The following TNRC18 variants were observed in gnomAD, a reference collection of about 807,000 sequenced individuals.
TNRC18 encodes trinucleotide repeat-containing gene 18 protein.
A neutral mutation model predicts 226.7 loss-of-function variants in TNRC18; 69 were observed. The observed-to-expected ratio is 0.30, with a 90% CI of 0.25 to 0.37. The LOEUF is 0.37. Ranked by LOEUF, TNRC18 falls within the 10% of genes least tolerant of loss-of-function variation. TNRC18 has a pLI of 1.00. For synonymous variants in TNRC18, 2,449 were observed against 1,927.6 expected (o/e 1.27, Z -7.09); for missense variants, 4,754 against 4,256.6 (o/e 1.12, Z -3.25).
At chr7:5,345,517 G>GGGGGGGGGGGCCCCCACCCCCCC in intron 18 of TNRC18, 45 bp downstream of exon 18, 1 of 377,744 alleles carries the variant, frequency 2.6e-6, no homozygotes, top group Non-Finnish European at 4.8e-6. Flanking sequence ...AATGGCGTCC[G>GGGGGGGGGGGCCCCCACCCCCCC]CCCCTCCCAC....
chr7:5,417,365 G>C (rs993048445), intron 2 of TNRC18, among the ~76,000 whole-genome samples: 6 of 151,770 alleles, frequency 4.0e-5, no homozygotes, highest in Non-Finnish European at 2.9e-5. Context: ...AGCTACTCGG[G>C]AGGCTGAGGT....
At chr7:5,327,389 GT>G (rs1789035033) in intron 19 of TNRC18, among the ~76,000 whole-genome samples, 1 of 144,736 alleles carries the variant, frequency 6.9e-6, no homozygotes, top group African/African-American at 2.5e-5. Context: ...GTGTGTGTGT[GT>G]GTGTGTGTGT....
chr7:5,380,014 A>G (rs966019567), intron 5 of TNRC18, among the ~76,000 whole-genome samples: 5 of 152,142 alleles, frequency 3.3e-5, no homozygotes, highest in Non-Finnish European at 4.4e-5. Context: ...TGCTGGAGAC[A>G]AGGTCCCCAC....
At position 5,308,084 on chromosome 7, in the gene TNRC18, T is replaced by G. The variant is rs112453141; in HGVS notation, c.*22A>C. 2 of 1,540,572 alleles carry G rather than the reference T, an allele frequency of 1.3e-6. No homozygotes were observed. The highest frequency in any genetic ancestry group is 1.8e-6 in the Non-Finnish European group (2 of 1,140,252). ...TCCCTGGCCGCCCTCGGGGCACAGG[T>G]GGCCCGCAGGGCCCGGCGGGCTCAG... On this transcript the variant is annotated 3_prime_UTR_variant, in exon 30 of 30. Coordinates refer to ENST00000430969, the MANE Select transcript of TNRC18 (RefSeq NM_001080495.3).
At chr7:5,330,400 T>C (rs866094014) in intron 19 of TNRC18, among the ~76,000 whole-genome samples, 1 of 150,336 alleles carries the variant, frequency 6.7e-6, no homozygotes, top group Non-Finnish European at 1.5e-5. Flanking sequence ...TCCCAGCTAA[T>C]TGTTTTTTTG....
Position 5,309,746 on chromosome 7 carries a change from G to A in TNRC18, c.8389-378C>T, listed in dbSNP as rs2128100383. Among the ~76,000 whole-genome samples the A allele has an allele frequency of 6.6e-6, 1 of 152,300 alleles. No individual in the cohort carries two copies. Among genetic ancestry groups the A allele is most frequent in the Admixed American group, 6.5e-5 (1 of 15,288 alleles). Reference sequence around the variant, plus strand: ...CAGCCTCTGAGGAGCTGAGAATACAGGCGCACACCACGCCCGGCTAATTTT... The same window carrying A: ...CAGCCTCTGAGGAGCTGAGAATACAAGCGCACACCACGCCCGGCTAATTTT... On this transcript the variant is annotated intron_variant, in intron 27 of 29. Transcript: ENST00000430969. The surrounding 1 kb of genome is among the most constrained non-coding windows in gnomAD (Gnocchi z 5.7).
chr7:5,405,691 C>T (rs140614773), intron 2 of TNRC18, among the ~76,000 whole-genome samples: 40 of 152,212 alleles, frequency 2.6e-4, no homozygotes, highest in Middle Eastern at 6.8e-3. Context: ...TGCAATGAGC[C>T]GAGATCATAC....
At chr7:5,419,322 T>C in intron 2 of TNRC18, among the ~76,000 whole-genome samples, 1 of 151,794 alleles carries the variant, frequency 6.6e-6, no homozygotes, top group African/African-American at 2.4e-5. Flanking sequence ...AGGCGGGGAG[T>C]GCGCGACGCC....
rs1247193342 is a variant in TNRC18 at position 5,324,164 on chromosome 7, G to C, written c.6442+50C>G. 1.9e-6 allele frequency: 3 copies of C among 1,541,510 alleles called. No homozygotes were observed. The highest frequency in any genetic ancestry group is 2.6e-6 in the Non-Finnish European group (3 of 1,147,722). ...CCTTGCTCAGATCTGCCTCCCCCAA[G>C]GGAGGCTCCAGCAGCCCCGCCCGGC... On this transcript the variant is annotated intron_variant, in intron 21 of 29. Transcript: ENST00000430969. This position sits in a 1 kb window ranked among gnomAD's most constrained non-coding sequence, Gnocchi z 4.8.
chr7:5,358,230 T>C (rs1330545486), intron 15 of TNRC18, among the ~76,000 whole-genome samples: 2 of 152,220 alleles, frequency 1.3e-5, no homozygotes, highest in Non-Finnish European at 2.9e-5. Flanking sequence ...ATTAGAGATT[T>C]CACAGATTAA....
chr7:5,355,282 T>C (rs1336173045), intron 16 of TNRC18, among the ~76,000 whole-genome samples: 1 of 151,372 alleles, frequency 6.6e-6, no homozygotes, highest in Admixed American at 6.6e-5. Flanking sequence ...AGTCTCTTGT[T>C]AAATGAGATA....
At chr7:5,403,571 G>A (rs541038879) in intron 2 of TNRC18, among the ~76,000 whole-genome samples, 224 of 151,120 alleles carry the variant, frequency 1.5e-3, no homozygotes, top group Middle Eastern at 3.4e-3. Flanking sequence ...GGCAGGAGTC[G>A]TTTGAGGCCA....
chr7:5,341,008 G>C (rs77863444), intron 18 of TNRC18, among the ~76,000 whole-genome samples: 1 of 152,212 alleles, frequency 6.6e-6, no homozygotes, highest in South Asian at 2.1e-4. Flanking sequence ...ACTTTTGCTG[G>C]GGGCTAATGC....
intron 21 of TNRC18, among the ~76,000 whole-genome samples, chr7:5,322,069 G>A (rs997522126): frequency 1.8e-4 from 28 of 151,894 alleles, no homozygotes; most frequent in Non-Finnish European, 2.6e-4. Flanking sequence ...CACAAGGTCA[G>A]AAGATCAAGA....
At chr7:5,385,804 T>C (rs535042791) in intron 5 of TNRC18, among the ~76,000 whole-genome samples, 1 of 147,414 alleles carries the variant, frequency 6.8e-6, no homozygotes, top group South Asian at 2.1e-4. Context: ...TGAAACCTTG[T>C]CTCTACTAAA....
In TNRC18 at chr7:5,345,518, C is replaced by CG; in HGVS notation, c.5719+43_5719+44insC. 1.2e-4 allele frequency: 20 copies of CG among 167,664 alleles called. 1 individual carries two copies. Among genetic ancestry groups the CG allele is most frequent in the South Asian group, 3.7e-4 (4 of 10,952 alleles). The allele number at this position is 167,664 out of a possible 1,614,324, so 10.4% of individuals were successfully genotyped here. On this transcript the variant is annotated intron_variant, in intron 18 of 29. Transcript: ENST00000430969. Reference sequence around the variant, plus strand: ...CTGTGGGATGGGGCAATGGCGTCCGCCCCTCCCACCCACCCCCACCGCAGC... The same window carrying CG: ...CTGTGGGATGGGGCAATGGCGTCCGCGCCCTCCCACCCACCCCCACCGCAGC...
intron 13 of TNRC18, 51 bp from the exon 14 acceptor site, chr7:5,361,773 C>A: frequency 6.5e-7 from 1 of 1,544,884 alleles, no homozygotes; most frequent in Non-Finnish European, 8.7e-7. Context: ...GGGCGGGGCG[C>A]GGAGAACGGG....
At position 5,332,637 on chromosome 7, in the gene TNRC18, C is replaced by A; in HGVS notation, c.6132G>T (p.Arg2044Ser). ...PRKDAGRAKD[R>S]KDPRKKKKGK... The stretch of plus-strand genomic sequence containing the variant: ...CGGCCCCTACCTTCCTGGGGTCCTT[C>A]CTGTCCTTTGCACGCCCGGCGTCCT... Residue 2044 changes from arginine (R) to serine (S), a missense_variant, in exon 19 of 30, where the codon AGG (arginine) becomes AGT (serine). Coordinates refer to ENST00000430969, the MANE Select transcript of TNRC18 (RefSeq NM_001080495.3). 1 of 1,531,912 alleles carries A rather than the reference C, an allele frequency of 6.5e-7. No homozygotes were observed. Among genetic ancestry groups the A allele is most frequent in the Non-Finnish European group, 8.8e-7 (1 of 1,140,920 alleles). The allele number at this position is 1,531,912 out of a possible 1,614,324, so 94.9% of individuals were successfully genotyped here.
At chr7:5,363,786 A>G (rs930703602) in intron 11 of TNRC18, among the ~76,000 whole-genome samples, 1 of 152,012 alleles carries the variant, frequency 6.6e-6, no homozygotes, top group Admixed American at 6.6e-5. Flanking sequence ...GCATTTTTCC[A>G]TAGTGAATAT....
Sources: allele counts gnomAD v4.1 joint callset (sites outside exome capture counted in the v4.1 genomes callset), GRCh38; gene constraint gnomAD v4.1.1; non-coding constraint Gnocchi (gnomAD v3.1); transcripts MANE v1.5; gene names NCBI Gene and HGNC (gene_info 2026-07-23, HGNC 2026-07-21).